USP24: variants seen among roughly 807,000 people sequenced by gnomAD.
USP24 encodes the protein ubiquitin carboxyl-terminal hydrolase 24.
A neutral mutation model predicts 361.6 loss-of-function variants in USP24; 97 were observed. That is an observed-to-expected ratio of 0.27 (90% confidence interval 0.23 to 0.32). The LOEUF is 0.32. Ranked by LOEUF, USP24 falls within the 10% of genes least tolerant of loss-of-function variation. The probability of loss-of-function intolerance (pLI) is 1.00; values close to 1 mark genes in which losing one functional copy is unlikely to be tolerated. For synonymous variants in USP24, 1,098 were observed against 1,124.6 expected (o/e 0.98, Z 0.47); for missense variants, 2,353 against 3,165.6 (o/e 0.74, Z 6.16).
intron 65 of USP24, 38 bp downstream of exon 65, chr1:55,072,748 T>G: frequency 6.5e-7 from 1 of 1,547,778 alleles, no homozygotes; most frequent in Non-Finnish European, 8.7e-7. Context: ...TATTATTGAT[T>G]CCTATGTTAC....
At chr1:55,166,450 TA>T in intron 6 of USP24, 117 bp downstream of exon 6, 1 of 984,078 alleles carries the variant, frequency 1.0e-6, no homozygotes, top group Non-Finnish European at 1.5e-6. Context: ...ATCCACTCCT[TA>T]AAGCATTTTT....
chr1:55,147,529 CAA>C, intron 18 of USP24, 118 bp downstream of exon 18: 1 of 1,111,606 alleles, frequency 9.0e-7, no homozygotes. Context: ...TCCCTCACTA[CAA>C]AGATACCTCA....
chr1:55,162,178 T>C (rs759615498), intron 8 of USP24, 21 bp downstream of exon 8: 10 of 1,575,870 alleles, frequency 6.3e-6, no homozygotes, highest in African/African-American at 4.1e-5. Flanking sequence ...TATGAAGTAA[T>C]GTGAAATGGT....
chr1:55,151,134 T>C (rs1271489308), intron 16 of USP24, among the ~76,000 whole-genome samples: 2 of 152,196 alleles, frequency 1.3e-5, no homozygotes, highest in African/African-American at 4.8e-5. Flanking sequence ...TTTGGAGACA[T>C]AAAAAGTAAG....
At chr1:55,121,620 C>A in intron 36 of USP24, 114 bp from the exon 37 acceptor site, 6 of 812,638 alleles carry the variant, frequency 7.4e-6, no homozygotes, top group Admixed American at 2.8e-5. Flanking sequence ...CTTTTACATA[C>A]AATAATTCAG....
chr1:55,147,917 TC>T, intron 17 of USP24, 119 bp from the exon 18 acceptor site: 1 of 1,047,304 alleles, frequency 9.5e-7, no homozygotes, highest in Non-Finnish European at 1.3e-6. Context: ...CATAAGAATT[TC>T]CTCATTCGTA....
intron 1 of USP24, among the ~76,000 whole-genome samples, chr1:55,202,410 C>T (rs1160647385): frequency 6.9e-6 from 1 of 144,918 alleles, no homozygotes; most frequent in Non-Finnish European, 1.5e-5. Context: ...CTTTTTCTTT[C>T]TTTTTTTTTT....
Position 55,138,731 on chromosome 1 carries a change from A to T in USP24, c.2818-13T>A. On this transcript the variant is annotated splice_polypyrimidine_tract_variant and intron_variant, in intron 25 of 67. Coordinates refer to ENST00000294383, the MANE Select transcript of USP24 (RefSeq NM_015306.3). ...CAGAGTAAAAATCCTTAAAAAACGA[A>T]TAAGTCAAGTCAGATGGACAGCACC... is the stretch of plus-strand genomic sequence containing the variant. 1 of 1,585,890 alleles carries T rather than the reference A, an allele frequency of 6.3e-7. No homozygotes were observed. Among genetic ancestry groups the T allele is most frequent in the Non-Finnish European group, 8.6e-7 (1 of 1,156,872 alleles).
chr1:55,171,060 T>G (rs1459876824), intron 5 of USP24, among the ~76,000 whole-genome samples: 5 of 152,234 alleles, frequency 3.3e-5, no homozygotes, highest in Non-Finnish European at 1.5e-5. Context: ...ACTGTTTAGA[T>G]TATCTACTTC....
intron 1 of USP24, among the ~76,000 whole-genome samples, chr1:55,211,719 C>A (rs936027416): frequency 1.3e-5 from 2 of 152,140 alleles, no homozygotes; most frequent in African/African-American, 4.8e-5. Flanking sequence ...TACTCCCTGC[C>A]CCTGGGACAG....
intron 50 of USP24, 107 bp from the exon 51 acceptor site, chr1:55,095,503 A>C: frequency 8.0e-7 from 1 of 1,242,380 alleles, no homozygotes; most frequent in Admixed American, 2.7e-5. Flanking sequence ...ACTACTCCCT[A>C]AGTTTGTAAA....
At chr1:55,108,714 G>A (rs930860040) in intron 39 of USP24, among the ~76,000 whole-genome samples, 1 of 152,116 alleles carries the variant, frequency 6.6e-6, no homozygotes, top group Non-Finnish European at 1.5e-5. Flanking sequence ...TTAATAACTC[G>A]TTCACTCATT....
At chr1:55,129,032 TATA>T (rs1232152257) in intron 32 of USP24, among the ~76,000 whole-genome samples, 2 of 152,172 alleles carry the variant, frequency 1.3e-5, no homozygotes, top group African/African-American at 4.8e-5. Flanking sequence ...TTTTAATACT[TATA>T]ATATAGTTAC....
chr1:55,093,817 G>A (rs914999388), intron 52 of USP24, 120 bp downstream of exon 52: 103 of 1,381,668 alleles, frequency 7.5e-5, no homozygotes, highest in Non-Finnish European at 8.6e-5. Context: ...TGAGACAAGT[G>A]TGTAAGACGA....
At chr1:55,166,276 A>T (rs1390736050) in intron 6 of USP24, among the ~76,000 whole-genome samples, 1 of 151,930 alleles carries the variant, frequency 6.6e-6, no homozygotes, top group African/African-American at 2.4e-5. Context: ...AAGGAACTAA[A>T]GCTAAAATTC....
At position 55,086,952 on chromosome 1, in the gene USP24, A is replaced by C. The variant is rs190173618; in HGVS notation, c.6669-914T>G. 1.1e-4 allele frequency among the ~76,000 whole-genome samples: 16 copies of C among 152,328 alleles called. No individual in the cohort carries two copies. The East Asian group carries it at 3.1e-3, about 29-fold the overall frequency. On this transcript the variant is annotated intron_variant, in intron 55 of 67. Coordinates refer to ENST00000294383, the MANE Select transcript of USP24 (RefSeq NM_015306.3). ...TCTTTAAAAATGTAAAGTATCCTTCATGTTAGTAGTCTGAATTCTTTAGAT... is the reference window on the plus strand; with the variant it reads ...TCTTTAAAAATGTAAAGTATCCTTCCTGTTAGTAGTCTGAATTCTTTAGAT...
In USP24 at chr1:55,071,856, C is replaced by G. The variant is rs775910496; in HGVS notation, c.7758G>C (p.Glu2586Asp). 5 of 1,613,522 alleles carry G rather than the reference C, an allele frequency of 3.1e-6. No individual in the cohort carries two copies. Among genetic ancestry groups the G allele is most frequent in the Non-Finnish European group, 4.2e-6 (5 of 1,179,810 alleles). ...KEQSGSSNGS[E>D]SSPANENGDR... The stretch of plus-strand genomic sequence containing the variant: ...CTCCGTTCTCATTGGCAGGACTACT[C>G]TCCGACCCATTACTGCTTCCTGATT... Residue 2586 changes from glutamate (E) to aspartate (D), a missense_variant, in exon 67 of 68, where the codon GAG becomes GAC. Coordinates refer to ENST00000294383, the MANE Select transcript of USP24 (RefSeq NM_015306.3).
intron 12 of USP24, among the ~76,000 whole-genome samples, chr1:55,156,244 T>C (rs1456370206): frequency 6.6e-6 from 1 of 152,118 alleles, no homozygotes; most frequent in Middle Eastern, 3.2e-3. Context: ...ATATACTGCA[T>C]TGGAGCTCCA....
chr1:55,124,736 G>C (rs1646378264), intron 34 of USP24, 108 bp from the exon 35 acceptor site: 1 of 1,239,954 alleles, frequency 8.1e-7, no homozygotes, highest in Admixed American at 2.3e-5. Flanking sequence ...TTCCCTCCAA[G>C]GTCATCCAGA....
Sources: gnomAD v4.1 joint callset for allele counts (sites outside exome capture counted in the v4.1 genomes callset) on GRCh38, gnomAD v4.1.1 for gene constraint, MANE v1.5 for transcripts, NCBI Gene and HGNC (gene_info 2026-07-23, HGNC 2026-07-21) for gene names.